Variants in WDR26 observed in about 807,000 individuals in gnomAD.
WDR26 encodes the protein WD repeat domain 26, also known as WD repeat-containing protein 26.
In WDR26, 5 loss-of-function variants were observed where a neutral mutation model predicts 84.1. The ratio of observed to expected loss-of-function variants is 0.06; its 90% CI spans 0.03 to 0.13. The LOEUF (loss-of-function observed/expected upper bound fraction) is 0.13, where lower values mean the gene tolerates loss of function less well. WDR26 is among the 10% of genes least tolerant of loss of function. WDR26 has a pLI of 1.00. For synonymous variants in WDR26, 415 were observed against 389.6 expected (o/e 1.07, Z -0.77); for missense variants, 642 against 974.9 (o/e 0.66, Z 4.55).
chr1:224,408,364 T>TTATC (rs1423530943), intron 7 of WDR26, among the ~76,000 whole-genome samples: 1 of 152,216 alleles, frequency 6.6e-6, no homozygotes, highest in Non-Finnish European at 1.5e-5. Flanking sequence ...TTACGGTGTA[T>TTATC]TATCATGTGC....
At chr1:224,402,652 GAC>G (rs1212821056) in intron 8 of WDR26, among the ~76,000 whole-genome samples, 1 of 152,162 alleles carries the variant, frequency 6.6e-6, no homozygotes, top group Admixed American at 6.5e-5. Context: ...ACAGGATTAA[GAC>G]AACATACTTT....
At position 224,404,562 on chromosome 1, in the gene WDR26, G is replaced by A; in HGVS notation, c.1467C>T (p.His489=). Reference sequence around the variant, plus strand: ...CTAATGTTTTAAGCAGTTTTAGCAGGTGTGTATCCTGGGAGGGAAAATAAA... The same window carrying A: ...CTAATGTTTTAAGCAGTTTTAGCAGATGTGTATCCTGGGAGGGAAAATAAA... Residue 489 remains histidine, a synonymous_variant, in exon 8 of 14, where the codon CAC becomes CAT. Transcript: ENST00000414423. The A allele has an allele frequency of 1.2e-6, 2 of 1,611,662 alleles. No homozygotes were observed. Among genetic ancestry groups the A allele is most frequent in the Non-Finnish European group, 1.7e-6 (2 of 1,178,740 alleles).
chr1:224,386,878 A>ATC lies in WDR26; in HGVS notation c.*2956_*2957insGA. On this transcript the variant is annotated 3_prime_UTR_variant, in exon 14 of 14. Transcript: ENST00000414423. ...TTATGAAGACTAAAAAAATACAAAA[A>ATC]CCAAAGCTGAAGCTTTGTCATCCCT... The ATC allele has an allele frequency of 6.6e-6, 1 of 152,190 alleles. No individual in the cohort carries two copies. Among genetic ancestry groups the ATC allele is most frequent in the Non-Finnish European group, 1.5e-5 (1 of 68,026 alleles). 9.4% of individuals were successfully genotyped at this position (152,190 alleles called of 1,614,324 possible).
intron 12 of WDR26, among the ~76,000 whole-genome samples, chr1:224,397,274 A>AG (rs1480099440): frequency 6.6e-6 from 1 of 152,192 alleles, no homozygotes; most frequent in Admixed American, 6.5e-5. Flanking sequence ...TACAGGTGTA[A>AG]GCCATCATGC....
intron 12 of WDR26, among the ~76,000 whole-genome samples, chr1:224,395,053 G>A (rs779827809): frequency 6.6e-6 from 1 of 152,146 alleles, no homozygotes; most frequent in African/African-American, 2.4e-5. Flanking sequence ...TAGCCACATA[G>A]TATAGAGAGT....
intron 10 of WDR26, 59 bp downstream of exon 10, chr1:224,398,830 A>C: frequency 6.3e-7 from 1 of 1,596,428 alleles, no homozygotes; most frequent in South Asian, 1.1e-5. Flanking sequence ...GGCAAGTTCC[A>C]CTACACATTT....
At chr1:224,394,505 CT>C (rs34687215) in intron 12 of WDR26, among the ~76,000 whole-genome samples, 27,150 of 146,318 alleles carry the variant, frequency 0.19, 2,616 homozygotes, top group Middle Eastern at 0.24. Flanking sequence ...TCTGCTTATC[CT>C]TTTTTTTTTT....
At position 224,421,279 on chromosome 1, in the gene WDR26, C is replaced by T. The variant is rs145249923; in HGVS notation, c.1065-1664G>A. Among the ~76,000 whole-genome samples, 234 of 152,180 alleles carry T rather than the reference C, an allele frequency of 1.5e-3. 1 individual carries two copies. Among genetic ancestry groups the T allele is most frequent in the African/African-American group, 5.1e-3 (213 of 41,498 alleles). The stretch of plus-strand genomic sequence containing the variant: ...AAAAATCATCATGTGAATGATATTC[C>T]GATGACAAAGAAATCAGATACCGCA... On this transcript the variant is annotated intron_variant, in intron 4 of 13. Coordinates refer to ENST00000414423, the MANE Select transcript of WDR26 (RefSeq NM_001379403.1).
rs575476765 is a variant in WDR26, at chr1:224,416,118, T to C, written c.1319+2142A>G. ...AGAGAAAGAGAGGTAAGTAGGAGCA[T>C]AGAGTGAAGGTTTTGTTTTAAGATT... On this transcript the variant is annotated intron_variant, in intron 6 of 13. Transcript: ENST00000414423. Among the ~76,000 whole-genome samples, 7 of 152,204 alleles carry C rather than the reference T, an allele frequency of 4.6e-5. No individual in the cohort carries two copies. The South Asian group carries it at 8.3e-4, about 18-fold the overall frequency.
At position 224,419,559 on chromosome 1, in the gene WDR26, T is replaced by C; in HGVS notation, c.1121A>G (p.Lys374Arg). The C allele has an allele frequency of 6.2e-7, 1 of 1,614,076 alleles. No individual in the cohort carries two copies. The highest frequency in any genetic ancestry group is 8.5e-7 in the Non-Finnish European group (1 of 1,179,942). The stretch of plus-strand genomic sequence containing the variant: ...TAGTTTAGATCGGGAAGCTGTCCCT[T>C]TGCCTTCCCATTCTGCTTTTGCACG... Residue 374 changes from lysine to arginine, a missense_variant, in exon 5 of 14, where the codon AAA (lysine) becomes AGA (arginine). Lys to Arg is a conservative substitution (Grantham distance 26). Transcript: ENST00000414423.
chr1:224,394,647 G>GGT (rs970406440), intron 12 of WDR26, among the ~76,000 whole-genome samples: 1 of 152,036 alleles, frequency 6.6e-6, no homozygotes, highest in Admixed American at 6.5e-5. Context: ...TGGGATTACA[G>GGT]GTGTGTGTGA....
At chr1:224,417,215 G>A (rs1021686422) in intron 6 of WDR26, among the ~76,000 whole-genome samples, 1 of 152,100 alleles carries the variant, frequency 6.6e-6, no homozygotes, top group Non-Finnish European at 1.5e-5. Context: ...TTATTCCAAA[G>A]TCCTCATACT....
intron 9 of WDR26, among the ~76,000 whole-genome samples, chr1:224,399,965 C>A (rs1034704756): frequency 2.0e-5 from 3 of 152,040 alleles, no homozygotes; most frequent in Admixed American, 6.6e-5. Context: ...GAGAGCAAGA[C>A]CCTGTCTCTT....
rs867247564 is a variant in WDR26, at chr1:224,413,217, C to G, written c.1320-1652G>C. ...ACAACAACAACAAAAACCCCCCCCC[C>G]CAAAAAAAACGTTATTTAAACAATA... On this transcript the variant is annotated intron_variant, in intron 6 of 13. Coordinates refer to ENST00000414423, the MANE Select transcript of WDR26 (RefSeq NM_001379403.1). 52 of 806,842 alleles carry G rather than the reference C, an allele frequency of 6.4e-5. 1 individual carries two copies. Among genetic ancestry groups the G allele is most frequent in the Non-Finnish European group, 8.1e-5 (52 of 644,030 alleles). The allele number at this position is 806,842 out of a possible 1,614,324, so 50.0% of individuals were successfully genotyped here. A position where few individuals can be genotyped will look rare whatever the true frequency, so the allele number is the denominator to read the frequency against.
chr1:224,425,247 T>G (rs1171235084), intron 3 of WDR26, among the ~76,000 whole-genome samples: 1 of 133,880 alleles, frequency 7.5e-6, no homozygotes, highest in East Asian at 1.9e-4. Flanking sequence ...TGCAAAGTAT[T>G]GAATTTCCTA....
chr1:224,434,400 G>C lies in WDR26; in HGVS notation c.6C>G (p.Ala2=). The change falls in exon 1 of 14, where the codon GCC becomes GCG. Residue 2 remains alanine, a synonymous_variant. Transcript: ENST00000414423. ...AGGCCAGAGTTTCCTCGCCGAGAGA[G>C]GCCGTGGTGGGAAGCCGGTGGGGCG... The C allele has an allele frequency of 8.8e-7, 1 of 1,138,958 alleles. No individual in the cohort carries two copies. The highest frequency in any genetic ancestry group is 4.3e-5 in the East Asian group (1 of 23,364). The allele number at this position is 1,138,958 out of a possible 1,614,324, so 70.6% of individuals were successfully genotyped here. A position where few individuals can be genotyped will look rare whatever the true frequency, so the allele number is the denominator to read the frequency against.
At chr1:224,424,676 G>A in intron 3 of WDR26, 22 bp from the exon 4 acceptor site, 1 of 1,614,018 alleles carries the variant, frequency 6.2e-7, no homozygotes, top group South Asian at 1.1e-5. Flanking sequence ...GAAAGCAGCA[G>A]TCAGGGGAAA....
At chr1:224,423,951 G>T (rs948248284) in intron 4 of WDR26, among the ~76,000 whole-genome samples, 2 of 152,274 alleles carry the variant, frequency 1.3e-5, no homozygotes, top group Middle Eastern at 3.4e-3. Context: ...GATTAATGTG[G>T]CGAGGTACAG....
intron 3 of WDR26, among the ~76,000 whole-genome samples, chr1:224,427,127 AG>A (rs1341048281): frequency 2.7e-5 from 4 of 150,038 alleles, no homozygotes; most frequent in Non-Finnish European, 4.4e-5. Flanking sequence ...AAAAAAAAAA[AG>A]TTTCATTCCA....
Sources: gnomAD v4.1 joint callset for allele counts (sites outside exome capture counted in the v4.1 genomes callset) on GRCh38, gnomAD v4.1.1 for gene constraint, MANE v1.5 for transcripts, NCBI Gene and HGNC (gene_info 2026-07-23, HGNC 2026-07-21) for gene names.